Variants in MAD1L1 observed in about 807,000 individuals in gnomAD.
MAD1L1 encodes mitotic spindle assembly checkpoint protein MAD1.
In MAD1L1, 95 loss-of-function variants were observed where a neutral mutation model predicts 96.9. The ratio of observed to expected loss-of-function variants is 0.98; its 90% CI spans 0.83 to 1.16. MAD1L1 has a LOEUF of 1.16. Ranked by LOEUF, MAD1L1 falls within the 50% of genes most tolerant of loss-of-function variation. The pLI is 0.00. For synonymous variants in MAD1L1, 473 were observed against 396.6 expected (o/e 1.19, Z -2.29); for missense variants, 1,007 against 954.4 (o/e 1.06, Z -0.73).
At chr7:1,887,438 G>A (rs1389848722) in intron 18 of MAD1L1, among the ~76,000 whole-genome samples, 2 of 142,560 alleles carry the variant, frequency 1.4e-5, no homozygotes, top group Non-Finnish European at 3.0e-5. Flanking sequence ...CGTGCATGTG[G>A]CTGCCTCTGT....
chr7:1,976,894 C>T (rs1780669430), intron 15 of MAD1L1, among the ~76,000 whole-genome samples: 1 of 151,892 alleles, frequency 6.6e-6, no homozygotes, highest in Non-Finnish European at 1.5e-5. Flanking sequence ...TAAAAGCTCT[C>T]CAAGTCCCCA....
chr7:1,908,548 A>AAT (rs1473059961), intron 17 of MAD1L1, among the ~76,000 whole-genome samples: 2 of 151,958 alleles, frequency 1.3e-5, no homozygotes, highest in African/African-American at 4.8e-5. Context: ...ACACTGGGCT[A>AAT]ATATATATAT....
Position 2,098,813 on chromosome 7 carries a change from G to A in MAD1L1, c.1074-29475C>T, listed in dbSNP as rs115590516. Among the ~76,000 whole-genome samples the A allele has an allele frequency of 4.5e-3, 692 of 152,288 alleles. 2 individuals carry two copies. Among genetic ancestry groups the A allele is most frequent in the African/African-American group, 0.015 (640 of 41,568 alleles). Reference sequence around the variant, plus strand: ...CGCCAGGCATCACGCACCAAGGCCCGGCGTCCCCAGAGGTGGGCCCAAGGG... The same window carrying A: ...CGCCAGGCATCACGCACCAAGGCCCAGCGTCCCCAGAGGTGGGCCCAAGGG... On this transcript the variant is annotated intron_variant, in intron 11 of 18. Transcript: ENST00000265854.
intron 3 of MAD1L1, among the ~76,000 whole-genome samples, chr7:2,229,117 G>GCCT (rs1794064458): frequency 6.6e-6 from 1 of 152,340 alleles, no homozygotes; most frequent in East Asian, 1.9e-4. Flanking sequence ...ACCAAATGCA[G>GCCT]CAGGGCCTCA....
chr7:2,116,568 G>GGA (rs35529060), intron 11 of MAD1L1, among the ~76,000 whole-genome samples: 16,475 of 65,552 alleles, frequency 0.25, 1,735 homozygotes, highest in Middle Eastern at 0.41. Flanking sequence ...CCAGAGGGTT[G>GGA]GGGGGGGGGG....
At chr7:2,204,757 A>G (rs139044174) in intron 10 of MAD1L1, among the ~76,000 whole-genome samples, 91 of 152,344 alleles carry the variant, frequency 6.0e-4, no homozygotes, top group Middle Eastern at 3.4e-3. Flanking sequence ...ATTCCTGTAC[A>G]AGTCTTCATG....
chr7:1,920,247 CGTGCGTGTGCAT>C (rs1788696284), intron 17 of MAD1L1, among the ~76,000 whole-genome samples: 1 of 152,036 alleles, frequency 6.6e-6, no homozygotes, highest in Admixed American at 6.5e-5. Context: ...TGCGTGCGTG[CGTGCGTGTGCAT>C]GTGCGTGTGT....
intron 14 of MAD1L1, among the ~76,000 whole-genome samples, chr7:1,992,417 G>A (rs1237461701): frequency 6.6e-6 from 1 of 152,194 alleles, no homozygotes; most frequent in African/African-American, 2.4e-5. Context: ...TTTTGAAGAT[G>A]GCAACTGCTC....
intron 18 of MAD1L1, among the ~76,000 whole-genome samples, chr7:1,865,180 G>C (rs538279202): frequency 4.3e-4 from 65 of 152,326 alleles, no homozygotes; most frequent in African/African-American, 1.5e-3. Flanking sequence ...GCGTGCACAA[G>C]CACCCACCCT....
intron 11 of MAD1L1, among the ~76,000 whole-genome samples, chr7:2,077,127 C>G (rs549951627): frequency 8.5e-5 from 13 of 152,092 alleles, no homozygotes; most frequent in African/African-American, 2.9e-4. Context: ...ATGGTTACGA[C>G]ATGGTGAGCT....
chr7:2,164,755 CTGAGCACCTGCTGTG>C, intron 10 of MAD1L1, among the ~76,000 whole-genome samples: 1 of 151,778 alleles, frequency 6.6e-6, no homozygotes, highest in African/African-American at 2.4e-5. Flanking sequence ...ACAAATTTAA[CTGAGCACCTGCTGTG>C]TGCCCAGCAA....
At chr7:2,123,585 C>A (rs1788084258) in intron 11 of MAD1L1, among the ~76,000 whole-genome samples, 1 of 152,188 alleles carries the variant, frequency 6.6e-6, no homozygotes, top group Non-Finnish European at 1.5e-5. Context: ...GAGGAGCCAG[C>A]CCCGCCAAGG....
At chr7:1,980,031 C>G (rs1471221976) in intron 15 of MAD1L1, among the ~76,000 whole-genome samples, 1 of 152,200 alleles carries the variant, frequency 6.6e-6, no homozygotes, top group African/African-American at 2.4e-5. Context: ...AAGAAAAGCC[C>G]TTCCAGGAAG....
At chr7:2,159,164 C>T (rs56195025) in intron 10 of MAD1L1, among the ~76,000 whole-genome samples, 2,550 of 152,342 alleles carry the variant, frequency 0.017, 78 homozygotes, top group African/African-American at 0.058. Flanking sequence ...CAAAGGCCCA[C>T]GCAGCAGCAA....
Position 1,827,644 on chromosome 7 carries a change from G to T in MAD1L1, c.1999-11416C>A, listed in dbSNP as rs865794051. ...TCCTGAGCCCCGCCCGGGTGTGGGG[G>T]CCTCCCCTCCTGAGCCCGGCCCGGG... On this transcript the variant is annotated intron_variant, in intron 18 of 18. Coordinates refer to ENST00000265854, the MANE Select transcript of MAD1L1 (RefSeq NM_001013836.2). Among the ~76,000 whole-genome samples the T allele has an allele frequency of 3.3e-3, 190 of 58,290 alleles. 2 individuals are homozygous for T. The highest frequency in any genetic ancestry group is 4.3e-3 in the Non-Finnish European group (115 of 27,032). 38.2% of individuals were successfully genotyped at this position (58,290 alleles called of 152,430 possible).
intron 14 of MAD1L1, among the ~76,000 whole-genome samples, chr7:1,981,472 C>G (rs1407214395): frequency 6.6e-6 from 1 of 152,138 alleles, no homozygotes; most frequent in Non-Finnish European, 1.5e-5. Context: ...GAAGGCCCAC[C>G]CAGAGACGCC....
At chr7:2,040,069 G>C (rs1304672375) in intron 12 of MAD1L1, among the ~76,000 whole-genome samples, 1 of 152,194 alleles carries the variant, frequency 6.6e-6, no homozygotes, top group Non-Finnish European at 1.5e-5. Context: ...CACTGCAGTT[G>C]GGAGTGAAAG....
intron 16 of MAD1L1, among the ~76,000 whole-genome samples, chr7:1,946,561 G>T (rs1779237752): frequency 6.6e-6 from 1 of 152,280 alleles, no homozygotes; most frequent in Middle Eastern, 3.2e-3. Flanking sequence ...TTGATGCGAT[G>T]GTGCAATCAT....
At chr7:2,141,030 A>C (rs1249649843) in intron 11 of MAD1L1, among the ~76,000 whole-genome samples, 1 of 152,282 alleles carries the variant, frequency 6.6e-6, no homozygotes, top group Non-Finnish European at 1.5e-5. Flanking sequence ...TCTTGCTGAA[A>C]GAAGCAACAC....
Sources: gnomAD v4.1 joint callset for allele counts (sites outside exome capture counted in the v4.1 genomes callset) on GRCh38, gnomAD v4.1.1 for gene constraint, MANE v1.5 for transcripts, NCBI Gene and HGNC (gene_info 2026-07-23, HGNC 2026-07-21) for gene names.